The following DACH1 variants were observed in gnomAD, a reference collection of about 807,000 sequenced individuals.
The protein encoded by DACH1 is dachshund homolog 1.
In DACH1, 12 loss-of-function variants were observed where a neutral mutation model predicts 54.2. That is an observed-to-expected ratio of 0.22 (90% CI 0.14 to 0.36). DACH1 has a LOEUF of 0.36. Among genes scored for constraint, DACH1 ranks in the 10% least tolerant of loss-of-function variants. The pLI is 1.00. For missense variants in DACH1, 805 were observed against 929.8 expected (o/e 0.87, Z 1.75); for synonymous variants, 386 against 366.2 (o/e 1.05, Z -0.62).
intron 3 of DACH1, among the ~76,000 whole-genome samples, chr13:71,630,198 A>C (rs942387623): frequency 8.5e-5 from 13 of 152,256 alleles, no homozygotes; most frequent in African/African-American, 3.1e-4. Context: ...AAAAGAATAA[A>C]AAAGTAAAGT....
intron 1 of DACH1, among the ~76,000 whole-genome samples, chr13:71,863,435 T>G (rs967341144): frequency 6.6e-6 from 1 of 152,148 alleles, no homozygotes; most frequent in African/African-American, 2.4e-5. Context: ...CGCCTTTAAC[T>G]TAAAAATAAC....
intron 1 of DACH1, among the ~76,000 whole-genome samples, chr13:71,850,059 A>G (rs1873557969): frequency 6.6e-6 from 1 of 152,190 alleles, no homozygotes; most frequent in African/African-American, 2.4e-5. Flanking sequence ...TCTATGGACA[A>G]AATACACATT....
In DACH1 at chr13:71,549,873, CAT is replaced by C. The variant is rs143962654; in HGVS notation, c.1570+7149_1570+7150del. 4.4e-3 allele frequency among the ~76,000 whole-genome samples: 663 copies of C among 152,228 alleles called. 8 individuals carry two copies. Among genetic ancestry groups the C allele is most frequent in the East Asian group, 0.036 (189 of 5,188 alleles). On this transcript the variant is annotated intron_variant, in intron 6 of 10. Coordinates refer to ENST00000613252, the MANE Select transcript of DACH1 (RefSeq NM_080759.6). ...CACCTGTGATTTACACAGCCACACA[CAT>C]GTTTCTCCTCAAAATATTTATTGAA... is the stretch of plus-strand genomic sequence containing the variant.
chr13:71,758,644 C>T (rs781172847), intron 1 of DACH1, among the ~76,000 whole-genome samples: 6 of 152,150 alleles, frequency 3.9e-5, no homozygotes, highest in Non-Finnish European at 8.8e-5. Context: ...AATACAGCAT[C>T]TCCTTTCCCT....
At chr13:71,600,168 T>C (rs1216648448) in intron 3 of DACH1, among the ~76,000 whole-genome samples, 1 of 152,122 alleles carries the variant, frequency 6.6e-6, no homozygotes, top group Non-Finnish European at 1.5e-5. Context: ...TGTAGAAAGA[T>C]CATAGATTTA....
At position 71,488,934 on chromosome 13, in the gene DACH1, GA is replaced by G. The variant is rs142679788; in HGVS notation, c.1722+62del. 1.2e-3 allele frequency: 1,688 copies of G among 1,421,150 alleles called. 5 individuals are homozygous for G. The highest frequency in any genetic ancestry group is 9.9e-3 in the Middle Eastern group (51 of 5,146). 88.0% of individuals were successfully genotyped at this position (1,421,150 alleles called of 1,614,324 possible). The stretch of plus-strand genomic sequence containing the variant: ...TTAAGTAGGAACAGTATAAATTTTG[GA>G]AAAAAAAAATCTACAACAGGGTGTT... On this transcript the variant is annotated intron_variant, in intron 7 of 10. Transcript: ENST00000613252.
intron 1 of DACH1, among the ~76,000 whole-genome samples, chr13:71,860,456 CTT>C (rs35326383): frequency 4.6e-4 from 63 of 136,018 alleles, no homozygotes; most frequent in Middle Eastern, 3.9e-3. Flanking sequence ...CTTAATGTGA[CTT>C]TTTTTTTTTT....
chr13:71,601,901 T>G (rs1874522548), intron 3 of DACH1, among the ~76,000 whole-genome samples: 1 of 152,048 alleles, frequency 6.6e-6, no homozygotes, highest in African/African-American at 2.4e-5. Context: ...TATGCAATAT[T>G]CTTTTATGTA....
Position 71,645,025 on chromosome 13 carries a change from C to T in DACH1, c.965-14308G>A, listed in dbSNP as rs138280340. Among the ~76,000 whole-genome samples the T allele has an allele frequency of 2.6e-5, 4 of 152,142 alleles. No individual in the cohort carries two copies. In the East Asian group the frequency reaches 5.8e-4, roughly 22 times the overall value. Reference sequence around the variant, plus strand: ...TCATAGAATATTAAGGATACAAACACGGTGTTTCGAAAAATGTGGTTAAGC... The same window carrying T: ...TCATAGAATATTAAGGATACAAACATGGTGTTTCGAAAAATGTGGTTAAGC... On this transcript the variant is annotated intron_variant, in intron 2 of 10. Transcript: ENST00000613252.
intron 1 of DACH1, among the ~76,000 whole-genome samples, chr13:71,824,870 A>T (rs574564644): frequency 6.6e-6 from 1 of 152,200 alleles, no homozygotes; most frequent in African/African-American, 2.4e-5. Flanking sequence ...AAAGCTGAGG[A>T]TATTACTATT....
intron 2 of DACH1, among the ~76,000 whole-genome samples, chr13:71,637,923 A>G (rs1008884051): frequency 6.6e-6 from 1 of 152,176 alleles, no homozygotes; most frequent in African/African-American, 2.4e-5. Flanking sequence ...ATTAACTTGA[A>G]AGGCCCAATC....
chr13:71,602,435 T>C (rs1417797921), intron 3 of DACH1, among the ~76,000 whole-genome samples: 1 of 151,318 alleles, frequency 6.6e-6, no homozygotes, highest in African/African-American at 2.4e-5. Context: ...TCCTTAACCC[T>C]TTTTTATCAA....
At chr13:71,475,622 A>G (rs1306496339) in intron 9 of DACH1, 84 bp downstream of exon 9, 2 of 1,450,032 alleles carry the variant, frequency 1.4e-6, no homozygotes, top group Non-Finnish European at 9.2e-7. Flanking sequence ...ATATAGAAAC[A>G]TACAAAACTA....
chr13:71,642,848 C>T (rs1878009558), intron 2 of DACH1, among the ~76,000 whole-genome samples: 2 of 151,772 alleles, frequency 1.3e-5, no homozygotes, highest in African/African-American at 4.8e-5. Context: ...CAGTGAAACC[C>T]ATCTCTACTG....
rs1247638734 is a variant in DACH1, at chr13:71,866,514, C to T, written c.256G>A (p.Gly86Ser). Residue 86 changes from glycine (G) to serine (S), a missense_variant, in exon 1 of 11, where the codon GGC becomes AGC. By Grantham distance (56) the Gly-to-Ser change is moderately conservative. This residue lies in a region of DACH1 where 305 missense variants were observed against 308.7 expected (regional missense o/e 0.99). Coordinates refer to ENST00000613252, the MANE Select transcript of DACH1 (RefSeq NM_080759.6). ...GGGGGGSGGG[G>S]GSSGNGGGGG... ...CCGCCTCCGTTGCCGCTGCTGCCGC[C>T]GCCGCCTCCGCTGCCGCCGCCGCCG... The T allele has an allele frequency of 1.8e-5, 22 of 1,215,100 alleles. No individual in the cohort carries two copies. Among genetic ancestry groups the T allele is most frequent in the East Asian group, 1.1e-4 (3 of 28,350 alleles). 75.3% of individuals were successfully genotyped at this position (1,215,100 alleles called of 1,614,324 possible).
At chr13:71,456,097 C>T (rs140423184) in intron 10 of DACH1, among the ~76,000 whole-genome samples, 1 of 152,152 alleles carries the variant, frequency 6.6e-6, no homozygotes, top group Non-Finnish European at 1.5e-5. Flanking sequence ...TTTCAGGAAA[C>T]ATCTGAGCAC....
At chr13:71,760,782 CTCTT>C (rs1315845656) in intron 1 of DACH1, among the ~76,000 whole-genome samples, 2 of 152,102 alleles carry the variant, frequency 1.3e-5, no homozygotes, top group Non-Finnish European at 2.9e-5. Flanking sequence ...TTTTCTCTCT[CTCTT>C]TATTTCTCTT....
intron 1 of DACH1, among the ~76,000 whole-genome samples, chr13:71,761,538 T>C (rs1885402107): frequency 6.6e-6 from 1 of 152,216 alleles, no homozygotes; most frequent in African/African-American, 2.4e-5. Flanking sequence ...TTTCCCTTTC[T>C]TATGGGATTC....
chr13:71,728,688 T>TG (rs545878908), intron 1 of DACH1, among the ~76,000 whole-genome samples: 189 of 152,130 alleles, frequency 1.2e-3, no homozygotes, highest in African/African-American at 3.6e-3. Flanking sequence ...TTCATTCAAG[T>TG]GGGATGGTTC....
Sources: allele counts gnomAD v4.1 joint callset (sites outside exome capture counted in the v4.1 genomes callset), GRCh38; gene constraint gnomAD v4.1.1; regional missense constraint gnomAD v4.1.1; transcripts MANE v1.5; gene names NCBI Gene and HGNC (gene_info 2026-07-23, HGNC 2026-07-21).